The following RELT variants were observed in gnomAD, a reference collection of about 807,000 sequenced individuals.
RELT encodes RELT TNF receptor, also known as tumor necrosis factor receptor superfamily member 19L.
Under a neutral mutation model 51.1 loss-of-function variants are expected in RELT, and 37 were observed. The ratio of observed to expected loss-of-function variants is 0.72; its 90% CI spans 0.56 to 0.95. The LOEUF (loss-of-function observed/expected upper bound fraction) is 0.95. RELT is among the 40% of genes least tolerant of loss of function. RELT has a pLI of 0.00. For synonymous variants in RELT, 241 were observed against 235.7 expected (o/e 1.02, Z -0.21); for missense variants, 535 against 572.6 (o/e 0.93, Z 0.67).
chr11:73,381,479 G>A (rs1237517711), intron 1 of RELT, among the ~76,000 whole-genome samples: 3 of 152,134 alleles, frequency 2.0e-5, no homozygotes, highest in Non-Finnish European at 2.9e-5. Flanking sequence ...ACCCCTTCTC[G>A]AGGAATCAAG....
intron 1 of RELT, among the ~76,000 whole-genome samples, chr11:73,386,714 A>G (rs1866129491): frequency 6.6e-6 from 1 of 152,138 alleles, no homozygotes; most frequent in South Asian, 2.1e-4. Flanking sequence ...AAGGTTCTAG[A>G]TCACACAGCT....
chr11:73,376,941 G>C (rs1865977405), intron 1 of RELT: 1 of 152,976 alleles, frequency 6.5e-6, no homozygotes, highest in Admixed American at 6.5e-5. Flanking sequence ...GGGTCTGGAT[G>C]GTGTCAGCCC....
At chr11:73,387,921 G>A (rs546614654) in intron 1 of RELT, among the ~76,000 whole-genome samples, 3 of 152,336 alleles carry the variant, frequency 2.0e-5, no homozygotes, top group South Asian at 2.1e-4. Flanking sequence ...AAGAGGCTGC[G>A]TGTGGCCTGA....
chr11:73,380,108 C>T (rs886522541), intron 1 of RELT, among the ~76,000 whole-genome samples: 7 of 152,204 alleles, frequency 4.6e-5, no homozygotes, highest in Admixed American at 4.6e-4. Context: ...GGAATGGGCA[C>T]AGGTTTGGGG....
intron 6 of RELT, chr11:73,392,790 G>C (rs1002127): frequency 0.12 from 151,217 of 1,273,284 alleles, 10,399 homozygotes; most frequent in African/African-American, 0.28. Flanking sequence ...GGTGGCCTTG[G>C]AGTTACTCAA....
chr11:73,391,529 A>G (rs1866214955), intron 5 of RELT, among the ~76,000 whole-genome samples: 1 of 152,198 alleles, frequency 6.6e-6, no homozygotes, highest in Non-Finnish European at 1.5e-5. Context: ...ATGCCAGCCA[A>G]GTGCAGTGGC....
Position 73,390,750 on chromosome 11 carries a change from C to G in RELT, c.121-5C>G, listed in dbSNP as rs1866198919. On this transcript the variant is annotated splice_region_variant and splice_polypyrimidine_tract_variant and intron_variant, in intron 3 of 10. Coordinates refer to ENST00000064780, the MANE Select transcript of RELT (RefSeq NM_152222.2). The stretch of plus-strand genomic sequence containing the variant: ...GGCCATGCTCTCACCCTTTACCTCC[C>G]ACAGGACCCAGGGCAGGGCACATTA... The G allele has an allele frequency of 6.2e-7, 1 of 1,606,648 alleles. No homozygotes were observed. The highest frequency in any genetic ancestry group is 1.1e-5 in the South Asian group (1 of 90,622).
At chr11:73,377,078 G>A (rs1311978023) in intron 1 of RELT, among the ~76,000 whole-genome samples, 1 of 152,224 alleles carries the variant, frequency 6.6e-6, no homozygotes, top group African/African-American at 2.4e-5. Context: ...CAGGCAGCGT[G>A]TGTGCGTGTG....
intron 5 of RELT, chr11:73,392,010 G>A: frequency 4.6e-6 from 3 of 656,118 alleles, no homozygotes; most frequent in South Asian, 3.8e-5. Flanking sequence ...AGGAGGCCTT[G>A]TTCAGGACAA....
intron 1 of RELT, among the ~76,000 whole-genome samples, chr11:73,387,810 G>A (rs1454535950): frequency 6.6e-6 from 1 of 152,224 alleles, no homozygotes; most frequent in Non-Finnish European, 1.5e-5. Context: ...GACTACCACA[G>A]GAGGCGCTTT....
At chr11:73,379,777 C>T (rs201726053) in intron 1 of RELT, among the ~76,000 whole-genome samples, 2 of 152,214 alleles carry the variant, frequency 1.3e-5, no homozygotes, top group Non-Finnish European at 2.9e-5. Flanking sequence ...TGTGCTTCCA[C>T]GTCGGCTCTC....
rs1866152146 is a variant in RELT, at chr11:73,388,048, G to T, written c.-25-1064G>T. ...CTGTCTGATGTGAATCCTTTGTCCT[G>T]CTGTGTCCGCCTCGTCCACTGGCCG... is the stretch of plus-strand genomic sequence containing the variant. On this transcript the variant is annotated intron_variant, in intron 1 of 10. Coordinates refer to ENST00000064780, the MANE Select transcript of RELT (RefSeq NM_152222.2). This position sits in a 1 kb window ranked among gnomAD's most constrained non-coding sequence, Gnocchi z 4.1. 6.6e-6 allele frequency among the ~76,000 whole-genome samples: 1 copy of T among 152,194 alleles called. No individual in the cohort carries two copies.
At position 73,396,326 on chromosome 11, in the gene RELT, G is replaced by C. The variant is rs1024808858; in HGVS notation, c.*835G>C. On this transcript the variant is annotated 3_prime_UTR_variant, in exon 11 of 11. Transcript: ENST00000064780. ...TTGATCCCGGCAGGACTGTGATACA[G>C]AGCCCTAGCCTGCCCAGCCAGCCCC... The C allele has an allele frequency of 6.6e-6, 1 of 152,320 alleles. No homozygotes were observed. The highest frequency in any genetic ancestry group is 1.5e-5 in the Non-Finnish European group (1 of 68,046). 9.4% of individuals were successfully genotyped at this position (152,320 alleles called of 1,614,324 possible).
chr11:73,388,989 G>T lies in RELT; in HGVS notation c.-25-123G>T. 1 of 649,774 alleles carries T rather than the reference G, an allele frequency of 1.5e-6. No individual in the cohort carries two copies. The allele number at this position is 649,774 out of a possible 1,614,324, so 40.3% of individuals were successfully genotyped here. A position where few individuals can be genotyped will look rare whatever the true frequency, so the allele number is the denominator to read the frequency against. ...TGTGGAGCCGGCCTCCCCGGGCTCT[G>T]CCTGCCCAGCAGCACCTTGCCTGCT... is the stretch of plus-strand genomic sequence containing the variant. On this transcript the variant is annotated intron_variant, in intron 1 of 10. Transcript: ENST00000064780. The surrounding 1 kb of genome is among the most constrained non-coding windows in gnomAD (Gnocchi z 4.1).
At chr11:73,393,304 G>C in intron 6 of RELT, 1 of 1,025,248 alleles carries the variant, frequency 9.8e-7, no homozygotes. Context: ...ATGCTGCCTG[G>C]GTGCAAGTCC....
chr11:73,396,650 G>A lies in RELT; in HGVS notation c.*1159G>A, dbSNP rs946222051. The A allele has an allele frequency of 6.6e-6, 1 of 152,344 alleles. No individual in the cohort carries two copies. Among genetic ancestry groups the A allele is most frequent in the African/African-American group, 2.4e-5 (1 of 41,466 alleles). The allele number at this position is 152,344 out of a possible 1,614,324, so 9.4% of individuals were successfully genotyped here. On this transcript the variant is annotated 3_prime_UTR_variant, in exon 11 of 11. Coordinates refer to ENST00000064780, the MANE Select transcript of RELT (RefSeq NM_152222.2). ...AAAGGTGGGAAAGTGCTGTCACGAG[G>A]AGCTCCTTTTCTCTGTGCCCTTCCC...
chr11:73,392,875 C>A (rs1866241343), intron 6 of RELT: 1 of 1,091,282 alleles, frequency 9.2e-7, no homozygotes, highest in South Asian at 2.9e-5. Flanking sequence ...GCTGTCCTGT[C>A]CTGGGCAGGC....
In RELT at chr11:73,395,458, G is replaced by A. The variant is rs1357960074; in HGVS notation, c.1260G>A (p.Val420=). The A allele has an allele frequency of 2.4e-6, 2 of 834,298 alleles. No homozygotes were observed. Among genetic ancestry groups the A allele is most frequent in the South Asian group, 2.6e-5 (2 of 75,676 alleles). 51.7% of individuals were successfully genotyped at this position (834,298 alleles called of 1,614,324 possible). A position where few individuals can be genotyped will look rare whatever the true frequency, so the allele number is the denominator to read the frequency against. Residue 420 remains valine (V), a synonymous_variant, in exon 11 of 11, where the codon GTG becomes GTA. Coordinates refer to ENST00000064780, the MANE Select transcript of RELT (RefSeq NM_152222.2). Reference sequence around the variant, plus strand: ...CTGCCCACCAGGAGAACCGCTATGTGGTCCGGCTAAGTGAGAGCAACCTGG... The same window carrying A: ...CTGCCCACCAGGAGAACCGCTATGTAGTCCGGCTAAGTGAGAGCAACCTGG... ...AENKAEENRY[V]VRLSESNLVI
At position 73,395,126 on chromosome 11, in the gene RELT, A is replaced by T; in HGVS notation, c.1086A>T (p.Ser362=). The part of the protein sequence containing the change: ...VARIPEQRTS[S]MVSEVKTITE... Reference sequence around the variant, plus strand: ...GAATTCCTGAGCAGCGGACAAGTTCAATGGTGTCTGAGGTGAAGACCATCA... The same window carrying T: ...GAATTCCTGAGCAGCGGACAAGTTCTATGGTGTCTGAGGTGAAGACCATCA... Residue 362 remains serine, a synonymous_variant, in exon 10 of 11, where the codon TCA becomes TCT. Coordinates refer to ENST00000064780, the MANE Select transcript of RELT (RefSeq NM_152222.2). The T allele has an allele frequency of 6.2e-7, 1 of 1,613,680 alleles. No homozygotes were observed. The highest frequency in any genetic ancestry group is 1.3e-5 in the African/African-American group (1 of 75,044).
Sources: gnomAD v4.1 joint callset for allele counts (sites outside exome capture counted in the v4.1 genomes callset) on GRCh38, gnomAD v4.1.1 for gene constraint, Gnocchi (gnomAD v3.1) non-coding constraint, MANE v1.5 for transcripts, NCBI Gene and HGNC (gene_info 2026-07-23, HGNC 2026-07-21) for gene names.